The following TGM6 variants were observed in gnomAD, a reference collection of about 807,000 sequenced individuals.
TGM6 encodes protein-glutamine gamma-glutamyltransferase 6.
TGM6 carries 74 observed loss-of-function variants against 77.5 expected under a neutral mutation model. The ratio of observed to expected loss-of-function variants is 0.96; its 90% CI spans 0.79 to 1.16. The LOEUF (loss-of-function observed/expected upper bound fraction) is 1.16. TGM6 is among the 50% of genes most tolerant of loss of function. The probability of loss-of-function intolerance (pLI) is 0.00; values close to 1 mark genes in which losing one functional copy is unlikely to be tolerated. For missense variants in TGM6, 968 were observed against 940.2 expected (o/e 1.03, Z -0.39); for synonymous variants, 383 against 378.9 (o/e 1.01, Z -0.12).
At chr20:2,430,319 G>C in intron 10 of TGM6, 127 bp from the exon 11 acceptor site, 1 of 1,277,066 alleles carries the variant, frequency 7.8e-7, no homozygotes, top group Non-Finnish European at 1.1e-6. Flanking sequence ...GGAAAATAAA[G>C]CCTGTCTCAG....
chr20:2,394,482 G>A lies in TGM6; in HGVS notation c.38G>A (p.Arg13Gln), dbSNP rs201694328. 1.1e-4 allele frequency: 179 copies of A among 1,611,596 alleles called. No individual in the cohort carries two copies. The highest frequency in any genetic ancestry group is 9.8e-4 in the Admixed American group (59 of 60,016). The change falls in exon 2 of 13, where the codon CGG becomes CAG. Residue 13 changes from arginine to glutamine, a missense_variant. Arg to Gln is a conservative substitution (Grantham distance 43). Coordinates refer to ENST00000202625, the MANE Select transcript of TGM6 (RefSeq NM_198994.3). ...AGAGTCACCAAGGTGGACTGGCAGC[G>A]GTCGAGGAATGGCGCTGCCCACCAC... ...GIRVTKVDWQRSRNGAAHHTQ... is the reference protein window; with the variant it reads ...GIRVTKVDWQQSRNGAAHHTQ...
chr20:2,419,675 T>A (rs1478359026), intron 10 of TGM6, among the ~76,000 whole-genome samples: 2 of 152,248 alleles, frequency 1.3e-5, no homozygotes, highest in Admixed American at 1.3e-4. Flanking sequence ...AATGCCCTGC[T>A]CTTTTCATAT....
chr20:2,394,655 G>T (rs199938049), intron 2 of TGM6, 30 bp downstream of exon 2: 1 of 1,587,576 alleles, frequency 6.3e-7, no homozygotes, highest in South Asian at 1.1e-5. Flanking sequence ...CCCTCTTCTC[G>T]TCTGCAGCTG....
At chr20:2,398,429 C>T (rs938853065) in intron 5 of TGM6, among the ~76,000 whole-genome samples, 1 of 152,114 alleles carries the variant, frequency 6.6e-6, no homozygotes, top group African/African-American at 2.4e-5. Flanking sequence ...CTTCCCCACC[C>T]TCATGTCAGG....
At chr20:2,383,207 A>G (rs1468667302) in intron 1 of TGM6, among the ~76,000 whole-genome samples, 1 of 152,248 alleles carries the variant, frequency 6.6e-6, no homozygotes, top group African/African-American at 2.4e-5. Flanking sequence ...TTAAAAACCA[A>G]TTATGCTTAG....
Position 2,399,575 on chromosome 20 carries a change from C to T in TGM6, c.687C>T (p.Asn229=), listed in dbSNP as rs370489062. 3.0e-5 allele frequency: 49 copies of T among 1,612,810 alleles called. No individual in the cohort carries two copies. The highest frequency in any genetic ancestry group is 8.3e-5 in the Admixed American group (5 of 60,002). Residue 229 remains asparagine (N), a synonymous_variant, in exon 6 of 13, where the codon AAC becomes AAT. Transcript: ENST00000202625. ...CCTCTGCCCAGGTGAACAGCAACAA[C>T]GACCGAGGTGTGGTGCAAGGACAGT... ...RVISAMVNSN[N]DRGVVQGQWQ...
At chr20:2,424,243 G>C (rs180956069) in intron 10 of TGM6, among the ~76,000 whole-genome samples, 24 of 152,306 alleles carry the variant, frequency 1.6e-4, no homozygotes, top group African/African-American at 5.8e-4. Context: ...GAAAGTCCTA[G>C]ATGGCATCTT....
At chr20:2,389,892 A>G (rs2422769) in intron 1 of TGM6, among the ~76,000 whole-genome samples, 117,911 of 152,024 alleles carry the variant, frequency 0.78, 46,233 homozygotes, top group African/African-American at 0.83. Flanking sequence ...AGCCCTATAG[A>G]TGGGCTAATA....
At chr20:2,402,942 T>A (rs2084721369) in intron 7 of TGM6, among the ~76,000 whole-genome samples, 1 of 152,204 alleles carries the variant, frequency 6.6e-6, no homozygotes, top group Non-Finnish European at 1.5e-5. Context: ...TTCCCTTCAC[T>A]CTTCCTATAG....
At chr20:2,396,750 C>A in intron 4 of TGM6, 126 bp downstream of exon 4, 1 of 850,858 alleles carries the variant, frequency 1.2e-6, no homozygotes, top group East Asian at 2.7e-5. Flanking sequence ...AGAGAAAACC[C>A]ACTCATTCAT....
intron 1 of TGM6, among the ~76,000 whole-genome samples, chr20:2,382,636 C>T (rs1469448998): frequency 1.3e-5 from 2 of 152,184 alleles, no homozygotes; most frequent in African/African-American, 4.8e-5. Context: ...ATTCCTGGGT[C>T]TTCTGGGTCC....
intron 1 of TGM6, among the ~76,000 whole-genome samples, chr20:2,383,709 G>C (rs1218299466): frequency 6.6e-6 from 1 of 152,204 alleles, no homozygotes; most frequent in Non-Finnish European, 1.5e-5. Context: ...GCTTAAGCGA[G>C]AAGCAAAGAG....
At chr20:2,422,289 G>A (rs528508763) in intron 10 of TGM6, among the ~76,000 whole-genome samples, 4 of 152,242 alleles carry the variant, frequency 2.6e-5, no homozygotes, top group African/African-American at 4.8e-5. Flanking sequence ...GTTTTTCCCC[G>A]TGTGGATATC....
chr20:2,391,135 G>A (rs1412885482), intron 1 of TGM6, among the ~76,000 whole-genome samples: 1 of 150,588 alleles, frequency 6.6e-6, no homozygotes, highest in Admixed American at 6.6e-5. Context: ...CTGAGGATAT[G>A]CGGGGGTGGG....
chr20:2,397,510 A>G (rs2084677069), intron 4 of TGM6, among the ~76,000 whole-genome samples: 1 of 152,240 alleles, frequency 6.6e-6, no homozygotes, highest in African/African-American at 2.4e-5. Context: ...CCAAATTATC[A>G]GAGACCAGAA....
At position 2,403,674 on chromosome 20, in the gene TGM6, A is replaced by G. The variant is rs751634905; in HGVS notation, c.1187A>G (p.Asn396Ser). Residue 396 changes from asparagine to serine, a missense_variant, in exon 9 of 13, where the codon AAC becomes AGC. Physicochemically the swap from Asn to Ser is conservative, Grantham distance 46 (BLOSUM62 1). Coordinates refer to ENST00000202625, the MANE Select transcript of TGM6 (RefSeq NM_198994.3). ...GGCCCCTTCGTGTTTGCGGAGGTCA[A>G]CGCCGACTACATCACCTGGCTGTGG... ...HDGPFVFAEVNADYITWLWHE... is the reference protein window; with the variant it reads ...HDGPFVFAEVSADYITWLWHE... 5.6e-6 allele frequency: 9 copies of G among 1,614,032 alleles called. No homozygotes were observed. The highest frequency in any genetic ancestry group is 1.6e-4 in the Middle Eastern group (1 of 6,084).
intron 1 of TGM6, among the ~76,000 whole-genome samples, chr20:2,386,258 G>A (rs1467331562): frequency 1.3e-5 from 2 of 152,110 alleles, no homozygotes; most frequent in Non-Finnish European, 2.9e-5. Context: ...ACCACATATG[G>A]CAGGTCATGG....
chr20:2,394,901 A>G (rs1278715879), intron 2 of TGM6, among the ~76,000 whole-genome samples: 2 of 152,200 alleles, frequency 1.3e-5, no homozygotes, highest in South Asian at 2.1e-4. Flanking sequence ...AAACCCGTCA[A>G]GCACTTTGAA....
intron 1 of TGM6, among the ~76,000 whole-genome samples, chr20:2,389,458 T>A (rs2084616697): frequency 6.6e-6 from 1 of 152,156 alleles, no homozygotes; most frequent in South Asian, 2.1e-4. Context: ...CATATGATTA[T>A]CATTTTTCCA....
Sources: gnomAD v4.1 joint callset for allele counts (sites outside exome capture counted in the v4.1 genomes callset) on GRCh38, gnomAD v4.1.1 for gene constraint, MANE v1.5 for transcripts, NCBI Gene and HGNC (gene_info 2026-07-23, HGNC 2026-07-21) for gene names.